The following AGBL4 variants were observed in gnomAD, a reference collection of about 807,000 sequenced individuals.
AGBL4 encodes the protein cytosolic carboxypeptidase 6.
In AGBL4, 58 loss-of-function variants were observed where a neutral mutation model predicts 66.4. That is an observed-to-expected ratio of 0.87 (90% CI 0.71 to 1.09). AGBL4 has a LOEUF of 1.09. AGBL4 is among the 50% of genes least tolerant of loss of function. AGBL4 has a pLI of 0.00. For missense variants in AGBL4, 579 were observed against 631.0 expected, an observed-to-expected ratio of 0.92 and a Z score of 0.88; for synonymous variants, 234 against 222.9, an observed-to-expected ratio of 1.05 and a Z score of -0.44.
intron 6 of AGBL4, among the ~76,000 whole-genome samples, chr1:48,715,369 ATCAT>A (rs1253074109): frequency 6.6e-6 from 1 of 152,086 alleles, no homozygotes; most frequent in Admixed American, 6.6e-5. Flanking sequence ...CATCCCTTCA[ATCAT>A]TCATTCATTC....
chr1:48,775,693 T>A (rs753905669), intron 6 of AGBL4, among the ~76,000 whole-genome samples: 3 of 152,198 alleles, frequency 2.0e-5, no homozygotes, highest in Non-Finnish European at 4.4e-5. Context: ...TGTCTCAGCA[T>A]GGCAGGAAGA....
intron 1 of AGBL4, among the ~76,000 whole-genome samples, chr1:50,008,235 T>C (rs1230187827): frequency 6.6e-6 from 1 of 152,230 alleles, no homozygotes; most frequent in Non-Finnish European, 1.5e-5. Flanking sequence ...CCTTAGCATA[T>C]GCCTCATTCT....
intron 2 of AGBL4, among the ~76,000 whole-genome samples, chr1:49,744,586 T>C (rs1038900998): frequency 2.0e-5 from 3 of 152,092 alleles, no homozygotes; most frequent in African/African-American, 7.2e-5. Context: ...CCCTATATAT[T>C]AATAGTAACT....
intron 3 of AGBL4, among the ~76,000 whole-genome samples, chr1:49,570,279 G>C (rs1052675099): frequency 6.6e-6 from 1 of 152,022 alleles, no homozygotes; most frequent in Admixed American, 6.6e-5. Context: ...TCTCACTGGG[G>C]TAAGATTCTA....
At chr1:49,845,448 C>T (rs1646114708) in intron 2 of AGBL4, 3 of 1,488,388 alleles carry the variant, frequency 2.0e-6, no homozygotes, top group Non-Finnish European at 2.8e-6. Context: ...TCCAGCAAAG[C>T]ATCCACCTCA....
rs368141488 is a variant in AGBL4 at position 49,426,937 on chromosome 1, C to G, written c.283-181073G>C. On this transcript the variant is annotated intron_variant, in intron 3 of 13. Transcript: ENST00000371839. ...TTTTCTCTGTTATCATATACCAAAT[C>G]TGAAGAATAGACATTACATGTCCTC... 1.4e-3 allele frequency among the ~76,000 whole-genome samples: 211 copies of G among 152,228 alleles called. 1 individual carries two copies. Among genetic ancestry groups the G allele is most frequent in the African/African-American group, 4.8e-3 (198 of 41,542 alleles).
At chr1:49,571,269 G>T (rs1246400770) in intron 3 of AGBL4, among the ~76,000 whole-genome samples, 3 of 151,860 alleles carry the variant, frequency 2.0e-5, no homozygotes, top group Admixed American at 6.6e-5. Context: ...TTCTTTCATA[G>T]TGTATTGTGG....
intron 4 of AGBL4, among the ~76,000 whole-genome samples, chr1:49,235,865 C>T (rs968122873): frequency 4.6e-5 from 7 of 152,096 alleles, no homozygotes; most frequent in Non-Finnish European, 8.8e-5. Flanking sequence ...TACCTTACTC[C>T]TGGCTCATTC....
At chr1:48,921,364 C>T (rs572204198) in intron 5 of AGBL4, among the ~76,000 whole-genome samples, 2 of 152,286 alleles carry the variant, frequency 1.3e-5, no homozygotes, top group East Asian at 3.9e-4. Context: ...GACAGACTCA[C>T]TTTAGTGGGG....
At chr1:49,093,010 A>G (rs1049175627) in intron 4 of AGBL4, among the ~76,000 whole-genome samples, 1 of 152,132 alleles carries the variant, frequency 6.6e-6, no homozygotes, top group African/African-American at 2.4e-5. Flanking sequence ...TGAGACATCA[A>G]GGGAAAAGAC....
At chr1:49,950,600 G>T (rs1204974447) in intron 1 of AGBL4, among the ~76,000 whole-genome samples, 9 of 151,490 alleles carry the variant, frequency 5.9e-5, no homozygotes, top group Non-Finnish European at 1.2e-4. Context: ...ATAAATTTTT[G>T]AAAAGAAAAA....
intron 2 of AGBL4, among the ~76,000 whole-genome samples, chr1:49,728,148 TAAAATATTC>T (rs1649169131): frequency 6.6e-6 from 1 of 152,152 alleles, no homozygotes; most frequent in African/African-American, 2.4e-5. Flanking sequence ...TTAGCTTTCA[TAAAATATTC>T]AAAATATTGC....
intron 2 of AGBL4, among the ~76,000 whole-genome samples, chr1:49,815,638 A>T (rs1645212297): frequency 6.6e-6 from 1 of 152,120 alleles, no homozygotes; most frequent in African/African-American, 2.4e-5. Context: ...TCAACAGTAT[A>T]TGAGGGGGTC....
chr1:49,928,507 C>T (rs1294893215), intron 1 of AGBL4, among the ~76,000 whole-genome samples: 1 of 152,086 alleles, frequency 6.6e-6, no homozygotes, highest in Non-Finnish European at 1.5e-5. Flanking sequence ...CCTTGACCTC[C>T]CAAAGTGCTG....
chr1:49,593,885 A>G (rs1644801508), intron 3 of AGBL4, among the ~76,000 whole-genome samples: 1 of 152,086 alleles, frequency 6.6e-6, no homozygotes, highest in Non-Finnish European at 1.5e-5. Flanking sequence ...CAAAAAATAT[A>G]GAGAGTATGC....
rs139308997 is a variant in AGBL4, at chr1:49,005,574, G to C, written c.594+40010C>G. ...TATTTTACTTTTATTACAGTATATTGTTATAATTGTTCTATTTTACTGTTA... is the reference window on the plus strand; with the variant it reads ...TATTTTACTTTTATTACAGTATATTCTTATAATTGTTCTATTTTACTGTTA... On this transcript the variant is annotated intron_variant, in intron 5 of 13. Transcript: ENST00000371839. Among the ~76,000 whole-genome samples, 20 of 152,208 alleles carry C rather than the reference G, an allele frequency of 1.3e-4. No individual in the cohort carries two copies. The East Asian group carries it at 3.9e-3, about 29-fold the overall frequency.
At chr1:49,355,127 C>T (rs941925856) in intron 3 of AGBL4, among the ~76,000 whole-genome samples, 2 of 152,182 alleles carry the variant, frequency 1.3e-5, no homozygotes, top group African/African-American at 2.4e-5. Context: ...AGCCAGGAAT[C>T]AACTTTTCGA....
At chr1:49,731,404 G>A (rs1166910555) in intron 2 of AGBL4, among the ~76,000 whole-genome samples, 1 of 152,066 alleles carries the variant, frequency 6.6e-6, no homozygotes, top group East Asian at 1.9e-4. Context: ...CTGTACAAAG[G>A]CTTATTTATT....
intron 1 of AGBL4, among the ~76,000 whole-genome samples, chr1:49,908,572 C>T (rs947390455): frequency 6.6e-6 from 1 of 152,080 alleles, no homozygotes; most frequent in African/African-American, 2.4e-5. Context: ...AACCGTGAGC[C>T]AATTAAACCT....
Sources: allele counts gnomAD v4.1 joint callset (sites outside exome capture counted in the v4.1 genomes callset), GRCh38; gene constraint gnomAD v4.1.1; transcripts MANE v1.5; gene names NCBI Gene and HGNC (gene_info 2026-07-23, HGNC 2026-07-21).